LRP1B: variants seen among roughly 807,000 people sequenced by gnomAD.
The protein encoded by LRP1B is LDL receptor related protein 1B.
LRP1B carries 217 observed loss-of-function variants against 556.6 expected under a neutral mutation model. The observed-to-expected ratio is 0.39, with a 90% CI of 0.35 to 0.44. The LOEUF is 0.44. Among genes scored for constraint, LRP1B ranks in the 20% least tolerant of loss-of-function variants. The pLI is 1.00. For synonymous variants in LRP1B, 2,047 were observed against 1,865.8 expected (o/e 1.10, Z -2.50); for missense variants, 5,053 against 5,620.8 (o/e 0.90, Z 3.23).
intron 7 of LRP1B, among the ~76,000 whole-genome samples, chr2:141,148,628 G>A (rs1338459212): frequency 1.3e-5 from 2 of 152,102 alleles, no homozygotes; most frequent in Non-Finnish European, 2.9e-5. Flanking sequence ...TATTCATGAC[G>A]ATAAAGAGGT....
At chr2:140,494,562 G>A (rs1046145027) in intron 56 of LRP1B, among the ~76,000 whole-genome samples, 10 of 144,318 alleles carry the variant, frequency 6.9e-5, no homozygotes, top group Admixed American at 1.4e-4. Context: ...AGCTAAGATC[G>A]CGCCACTGCA....
chr2:141,944,063 C>A (rs572183946), intron 1 of LRP1B, among the ~76,000 whole-genome samples: 3 of 152,094 alleles, frequency 2.0e-5, no homozygotes, highest in Admixed American at 2.0e-4. Context: ...TCTCCCAGTG[C>A]GCAGATTTGT....
At chr2:141,307,098 C>G (rs959397047) in intron 3 of LRP1B, among the ~76,000 whole-genome samples, 1 of 151,878 alleles carries the variant, frequency 6.6e-6, no homozygotes, top group African/African-American at 2.4e-5. Context: ...TAAAAATGTT[C>G]TATAAATATC....
At chr2:141,480,244 G>T in intron 3 of LRP1B, 152 bp downstream of exon 3, 1 of 778,330 alleles carries the variant, frequency 1.3e-6, no homozygotes, top group Non-Finnish European at 2.2e-6. Context: ...GCTTTGAAAT[G>T]CATATTAAAA....
At chr2:140,953,003 G>T (rs1305874406) in intron 18 of LRP1B, among the ~76,000 whole-genome samples, 2 of 152,078 alleles carry the variant, frequency 1.3e-5, no homozygotes, top group Non-Finnish European at 2.9e-5. Flanking sequence ...AGAAAAATAA[G>T]AAATAAGAAA....
intron 1 of LRP1B, among the ~76,000 whole-genome samples, chr2:141,945,815 A>G (rs1700938175): frequency 6.6e-6 from 1 of 152,122 alleles, no homozygotes; most frequent in South Asian, 2.1e-4. Flanking sequence ...GTTGAGCCAT[A>G]CACCATATTT....
intron 24 of LRP1B, among the ~76,000 whole-genome samples, chr2:140,885,701 G>T (rs1693614213): frequency 6.6e-6 from 1 of 151,188 alleles, no homozygotes; most frequent in Non-Finnish European, 1.5e-5. Context: ...AGCCAAAAGA[G>T]ATAAGTCAAA....
intron 31 of LRP1B, among the ~76,000 whole-genome samples, chr2:140,816,947 A>T (rs991340417): frequency 2.6e-5 from 4 of 152,150 alleles, no homozygotes; most frequent in African/African-American, 9.6e-5. Context: ...ATAATTTCTG[A>T]ATCAGTTCTC....
intron 2 of LRP1B, among the ~76,000 whole-genome samples, chr2:141,630,304 C>G (rs1160969602): frequency 1.3e-5 from 2 of 152,128 alleles, no homozygotes. Context: ...AAAAACAATA[C>G]TAAGTCACTA....
chr2:140,941,303 A>G (rs1292079505), intron 20 of LRP1B, among the ~76,000 whole-genome samples: 1 of 152,170 alleles, frequency 6.6e-6, no homozygotes, highest in South Asian at 2.1e-4. Flanking sequence ...CTCTTCTTCC[A>G]TGGAGAGGAA....
intron 2 of LRP1B, among the ~76,000 whole-genome samples, chr2:141,574,908 G>C (rs529223485): frequency 5.3e-5 from 8 of 152,164 alleles, no homozygotes; most frequent in African/African-American, 1.9e-4. Flanking sequence ...GGGATGTGAA[G>C]GGCCTCTTCA....
At chr2:140,397,756 C>T (rs371283680) in intron 66 of LRP1B, among the ~76,000 whole-genome samples, 18 of 151,838 alleles carry the variant, frequency 1.2e-4, no homozygotes, top group South Asian at 2.1e-4. Flanking sequence ...TTTTCCAATT[C>T]GAATAAGAAA....
chr2:141,273,753 C>T (rs1419500274), intron 3 of LRP1B, among the ~76,000 whole-genome samples: 1 of 152,126 alleles, frequency 6.6e-6, no homozygotes, highest in African/African-American at 2.4e-5. Context: ...AGTATTTATG[C>T]TTCAAATAAC....
intron 3 of LRP1B, among the ~76,000 whole-genome samples, chr2:141,276,375 T>C (rs1040217857): frequency 9.2e-5 from 14 of 152,056 alleles, no homozygotes; most frequent in African/African-American, 3.1e-4. Flanking sequence ...GGGTTTGGTG[T>C]ATAGATTATT....
In LRP1B at chr2:140,625,615, A is replaced by G. The variant is rs190967535; in HGVS notation, c.6800-23976T>C. 2.4e-4 allele frequency among the ~76,000 whole-genome samples: 37 copies of G among 152,358 alleles called. No individual in the cohort carries two copies. In the East Asian group the frequency reaches 6.9e-3, roughly 29 times the overall value. On this transcript the variant is annotated intron_variant, in intron 41 of 90. Transcript: ENST00000389484. ...ATCAAACAAGATATACAGATAGTAA[A>G]TAAGCATATGAAAAGATGTTCAACA...
At chr2:141,842,723 G>A (rs992332065) in intron 1 of LRP1B, among the ~76,000 whole-genome samples, 4 of 151,948 alleles carry the variant, frequency 2.6e-5, no homozygotes, top group Admixed American at 6.6e-5. Flanking sequence ...TGAAACAATC[G>A]GAAAGAGCAG....
intron 3 of LRP1B, among the ~76,000 whole-genome samples, chr2:141,383,968 C>T (rs552105169): frequency 8.6e-4 from 131 of 152,160 alleles, no homozygotes; most frequent in South Asian, 2.5e-3. Context: ...ACATTCTATA[C>T]GTAAAATATG....
chr2:141,014,761 T>C (rs1697853953), intron 13 of LRP1B, among the ~76,000 whole-genome samples: 1 of 152,100 alleles, frequency 6.6e-6, no homozygotes, highest in African/African-American at 2.4e-5. Flanking sequence ...TACCAACATC[T>C]TCTAAGGAAG....
chr2:141,250,011 G>C (rs1437368414), intron 4 of LRP1B, among the ~76,000 whole-genome samples: 1 of 152,126 alleles, frequency 6.6e-6, no homozygotes, highest in Non-Finnish European at 1.5e-5. Context: ...TCTGGAGAAA[G>C]GGGGTGAGAA....
Sources: allele counts gnomAD v4.1 joint callset (sites outside exome capture counted in the v4.1 genomes callset), GRCh38; gene constraint gnomAD v4.1.1; transcripts MANE v1.5; gene names NCBI Gene and HGNC (gene_info 2026-07-23, HGNC 2026-07-21).